ARID3B: variants seen among roughly 807,000 people sequenced by gnomAD.
ARID3B encodes AT-rich interactive domain-containing protein 3B.
ARID3B carries 10 observed loss-of-function variants against 51.9 expected under a neutral mutation model. The ratio of observed to expected loss-of-function variants is 0.19; its 90% CI spans 0.12 to 0.33. The LOEUF (loss-of-function observed/expected upper bound fraction) is 0.33. Among genes scored for constraint, ARID3B ranks in the 10% least tolerant of loss-of-function variants. ARID3B has a pLI of 1.00. For synonymous variants in ARID3B, 205 were observed against 279.5 expected, an observed-to-expected ratio of 0.73 and a Z score of 2.66; for missense variants, 483 against 716.3, an observed-to-expected ratio of 0.67 and a Z score of 3.72.
intron 4 of ARID3B, among the ~76,000 whole-genome samples, chr15:74,578,905 G>C (rs929038410): frequency 1.3e-5 from 2 of 151,504 alleles, no homozygotes; most frequent in African/African-American, 4.9e-5. Context: ...AAAAACAAAA[G>C]AAAGAAGGAA....
chr15:74,555,131 A>G (rs1199867636), intron 2 of ARID3B, among the ~76,000 whole-genome samples: 2 of 152,186 alleles, frequency 1.3e-5, no homozygotes, highest in Non-Finnish European at 2.9e-5. Flanking sequence ...TTTGTCAATT[A>G]AAATTAAAGT....
intron 8 of ARID3B, among the ~76,000 whole-genome samples, chr15:74,594,655 C>G (rs550422397): frequency 1.7e-4 from 26 of 152,392 alleles, no homozygotes; most frequent in African/African-American, 5.5e-4. Flanking sequence ...AAGGGCCACA[C>G]TCCCTCAGAG....
intron 4 of ARID3B, among the ~76,000 whole-genome samples, chr15:74,588,193 C>T (rs924512929): frequency 6.6e-6 from 1 of 151,460 alleles, no homozygotes; most frequent in African/African-American, 2.4e-5. Flanking sequence ...ATGATTGCAC[C>T]GCTGCACTCC....
intron 2 of ARID3B, among the ~76,000 whole-genome samples, chr15:74,546,941 G>T (rs1386959808): frequency 6.6e-6 from 1 of 151,828 alleles, no homozygotes; most frequent in Non-Finnish European, 1.5e-5. Context: ...CATATGCTTG[G>T]GGATTTTAAA....
Position 74,573,008 on chromosome 15 carries a change from A to C in ARID3B, c.624+75A>C. ...TTGTTACAGCTGATTCCCAAGAAAT[A>C]AGGACCAAGGTAGCCAGTGAGTTGC... On this transcript the variant is annotated intron_variant, in intron 3 of 8. Transcript: ENST00000346246. The C allele has an allele frequency of 2.5e-6, 4 of 1,592,166 alleles. No homozygotes were observed. The South Asian group carries it at 4.4e-5, about 18-fold the overall frequency.
intron 4 of ARID3B, among the ~76,000 whole-genome samples, chr15:74,586,394 TA>T (rs1210887101): frequency 7.9e-5 from 12 of 152,244 alleles, no homozygotes; most frequent in African/African-American, 2.9e-4. Flanking sequence ...CAGTCTAATA[TA>T]ATACAGTCAC....
intron 4 of ARID3B, among the ~76,000 whole-genome samples, chr15:74,585,836 G>T (rs2061779335): frequency 6.6e-6 from 1 of 152,252 alleles, no homozygotes. Context: ...CCAACCTGCA[G>T]ATTCTGCTTC....
chr15:74,591,021 T>G lies in ARID3B; in HGVS notation c.882-130T>G, dbSNP rs769392406. On this transcript the variant is annotated intron_variant, in intron 5 of 8. Coordinates refer to ENST00000346246, the MANE Select transcript of ARID3B (RefSeq NM_006465.4). The surrounding 1 kb of genome is among the most constrained non-coding windows in gnomAD (Gnocchi z 5.8). ...CCATCCCAGACTTTTCTGCCAAGTATACCAAGGTTGCAATCCTTTGCCCTA... is the reference window on the plus strand; with the variant it reads ...CCATCCCAGACTTTTCTGCCAAGTAGACCAAGGTTGCAATCCTTTGCCCTA... 36 of 1,409,546 alleles carry G rather than the reference T, an allele frequency of 2.6e-5. No homozygotes were observed. Among genetic ancestry groups the G allele is most frequent in the Non-Finnish European group, 3.3e-5 (35 of 1,047,112 alleles). The allele number at this position is 1,409,546 out of a possible 1,614,324, so 87.3% of individuals were successfully genotyped here.
chr15:74,583,089 A>G (rs1226056805), intron 4 of ARID3B, among the ~76,000 whole-genome samples: 1 of 151,878 alleles, frequency 6.6e-6, no homozygotes. Context: ...AGTCCCAGCT[A>G]CTTGGGAGGC....
Position 74,593,252 on chromosome 15 carries a change from T to A in ARID3B, c.1519+16T>A, listed in dbSNP as rs1363948198. 1 of 1,607,780 alleles carries A rather than the reference T, an allele frequency of 6.2e-7. No individual in the cohort carries two copies. Among genetic ancestry groups the A allele is most frequent in the Non-Finnish European group, 8.5e-7 (1 of 1,177,890 alleles). ...ACCTATGCAGGTGAGGCCCTGGAGCTCTGGGGGAGGCCCACGTGGCCGCAG... is the reference window on the plus strand; with the variant it reads ...ACCTATGCAGGTGAGGCCCTGGAGCACTGGGGGAGGCCCACGTGGCCGCAG... On this transcript the variant is annotated intron_variant, in intron 8 of 8. Transcript: ENST00000346246.
chr15:74,560,435 A>G (rs1596254442), intron 2 of ARID3B, among the ~76,000 whole-genome samples: 1 of 152,120 alleles, frequency 6.6e-6, no homozygotes, highest in Non-Finnish European at 1.5e-5. Context: ...CTTTTCACAA[A>G]TATATTTTGT....
In ARID3B at chr15:74,545,279, A is replaced by G. The variant is rs185583909; in HGVS notation, c.552+791A>G. Among the ~76,000 whole-genome samples the G allele has an allele frequency of 2.9e-3, 445 of 152,358 alleles. 1 individual carries two copies. Among genetic ancestry groups the G allele is most frequent in the Non-Finnish European group, 5.0e-3 (342 of 68,036 alleles). On this transcript the variant is annotated intron_variant, in intron 2 of 8. Transcript: ENST00000346246. Reference sequence around the variant, plus strand: ...GCACTTGCATTGTATATATTTTCCAACAAAGAGCCTTGTAGACATGATTTC... The same window carrying G: ...GCACTTGCATTGTATATATTTTCCAGCAAAGAGCCTTGTAGACATGATTTC...
chr15:74,589,682 T>G, intron 4 of ARID3B, 138 bp from the exon 5 acceptor site: 1 of 898,332 alleles, frequency 1.1e-6, no homozygotes, highest in South Asian at 1.7e-5. Context: ...GTGTTCAGGC[T>G]TGGGGAGTTT....
At chr15:74,595,563 C>T (rs2141483857) in intron 8 of ARID3B, 48 bp from the exon 9 acceptor site, 1 of 1,587,138 alleles carries the variant, frequency 6.3e-7, no homozygotes, top group African/African-American at 1.3e-5. Context: ...GCTGGCCCTC[C>T]CCTTCGCTCT....
At chr15:74,559,366 C>T (rs932487574) in intron 2 of ARID3B, among the ~76,000 whole-genome samples, 1 of 152,128 alleles carries the variant, frequency 6.6e-6, no homozygotes, top group African/African-American at 2.4e-5. Context: ...GGGGAAGAAG[C>T]GAGGGAGATG....
intron 4 of ARID3B, among the ~76,000 whole-genome samples, chr15:74,580,911 C>T (rs978388581): frequency 3.3e-5 from 5 of 152,200 alleles, no homozygotes; most frequent in Non-Finnish European, 7.3e-5. Flanking sequence ...ACCTGATGTG[C>T]AAGATGGGTC....
At chr15:74,553,485 A>C (rs1596251643) in intron 2 of ARID3B, among the ~76,000 whole-genome samples, 1 of 152,210 alleles carries the variant, frequency 6.6e-6, no homozygotes, top group East Asian at 1.9e-4. Flanking sequence ...GTTGGCTAGT[A>C]CTAAACATTT....
At chr15:74,543,658 G>A (rs533960810) in intron 1 of ARID3B, among the ~76,000 whole-genome samples, 5 of 151,828 alleles carry the variant, frequency 3.3e-5, no homozygotes, top group Non-Finnish European at 7.4e-5. Context: ...TCCCCTCTTA[G>A]ATCCTGTTTC....
At chr15:74,577,101 G>A (rs560611295) in intron 4 of ARID3B, among the ~76,000 whole-genome samples, 1 of 152,330 alleles carries the variant, frequency 6.6e-6, no homozygotes, top group Non-Finnish European at 1.5e-5. Context: ...GGAAGATAGT[G>A]TAGAGGTTGT....
Sources: allele counts gnomAD v4.1 joint callset (sites outside exome capture counted in the v4.1 genomes callset), GRCh38; gene constraint gnomAD v4.1.1; non-coding constraint Gnocchi (gnomAD v3.1); transcripts MANE v1.5; gene names NCBI Gene and HGNC (gene_info 2026-07-23, HGNC 2026-07-21).